Variants in VPS13A observed in about 807,000 individuals in gnomAD.
VPS13A encodes the protein intermembrane lipid transfer protein VPS13A.
A neutral mutation model predicts 390.9 loss-of-function variants in VPS13A; 264 were observed. That is an observed-to-expected ratio of 0.68 (90% CI 0.61 to 0.75). VPS13A has a LOEUF of 0.75. Ranked by LOEUF, VPS13A falls within the 30% of genes least tolerant of loss-of-function variation. The pLI, the probability that VPS13A is intolerant of heterozygous loss-of-function variation, is 0.00. For missense variants in VPS13A, 3,409 were observed against 3,733.9 expected (o/e 0.91, Z 2.27); for synonymous variants, 1,231 against 1,227.1 (o/e 1.00, Z -0.07).
intron 17 of VPS13A, among the ~76,000 whole-genome samples, chr9:77,232,400 C>G (rs1400732006): frequency 6.6e-6 from 1 of 152,122 alleles, no homozygotes; most frequent in Non-Finnish European, 1.5e-5. Context: ...CATGGGATAT[C>G]TTTCCATTTA....
intron 33 of VPS13A, among the ~76,000 whole-genome samples, chr9:77,298,912 C>A (rs917839862): frequency 6.6e-6 from 1 of 152,080 alleles, no homozygotes; most frequent in Non-Finnish European, 1.5e-5. Flanking sequence ...TAAGATGTGC[C>A]GCTGTGTCTC....
chr9:77,259,723 TTAAA>T (rs1405780425), intron 22 of VPS13A, among the ~76,000 whole-genome samples: 7 of 152,294 alleles, frequency 4.6e-5, no homozygotes, highest in African/African-American at 7.2e-5. Flanking sequence ...ATATAGGAAC[TTAAA>T]TAGAGAGCAA....
intron 67 of VPS13A, among the ~76,000 whole-genome samples, chr9:77,375,248 A>G (rs2131598358): frequency 6.6e-6 from 1 of 152,328 alleles, no homozygotes; most frequent in East Asian, 1.9e-4. Context: ...TTTAGAAAAA[A>G]TAATAAAGAC....
intron 52 of VPS13A, among the ~76,000 whole-genome samples, chr9:77,347,311 C>G (rs1173699092): frequency 6.6e-6 from 1 of 152,100 alleles, no homozygotes; most frequent in East Asian, 1.9e-4. Context: ...ATCTACCATC[C>G]ATGAGCATGA....
intron 55 of VPS13A, 47 bp from the exon 56 acceptor site, chr9:77,357,645 A>G (rs763850074): frequency 1.6e-5 from 26 of 1,587,116 alleles, no homozygotes; most frequent in Admixed American, 7.0e-5. Flanking sequence ...AATTCTAGTC[A>G]TTTATAGATA....
intron 40 of VPS13A, 144 bp from the exon 41 acceptor site, chr9:77,318,091 T>A (rs1391109252): frequency 3.9e-6 from 2 of 512,876 alleles, no homozygotes; most frequent in Non-Finnish European, 3.2e-6. Flanking sequence ...ATTTAAAAAA[T>A]TTTATAAACA....
chr9:77,249,115 A>T (rs1825004389), intron 20 of VPS13A, among the ~76,000 whole-genome samples: 1 of 152,198 alleles, frequency 6.6e-6, no homozygotes, highest in Non-Finnish European at 1.5e-5. Flanking sequence ...TTAAATGTAG[A>T]GGAATATCTA....
intron 53 of VPS13A, among the ~76,000 whole-genome samples, chr9:77,351,842 C>G (rs1445606727): frequency 6.6e-6 from 1 of 152,120 alleles, no homozygotes; most frequent in African/African-American, 2.4e-5. Context: ...GCACTCCAGC[C>G]TGGCGACAGA....
chr9:77,371,039 A>T lies in VPS13A; in HGVS notation c.8967A>T (p.Gly2989=), dbSNP rs756880672. ...VTKPIKGAQK[G]GAAGFFKGVG... ...TTTTCTTTCCAGGAGCTCAAAAAGG[A>T]GGAGCAGCTGGTTTCTTTAAAGGTG... Residue 2989 remains glycine (G), a synonymous_variant, in exon 67 of 72, where the codon GGA becomes GGT. Transcript: ENST00000360280. The T allele has an allele frequency of 6.8e-6, 11 of 1,614,140 alleles. No individual in the cohort carries two copies. In the South Asian group the frequency reaches 1.2e-4, roughly 18 times the overall value.
In VPS13A at chr9:77,416,133, C is replaced by T. The variant is rs1420483677; in HGVS notation, c.*127C>T. 5.4e-6 allele frequency: 6 copies of T among 1,103,954 alleles called. No individual in the cohort carries two copies. Among genetic ancestry groups the T allele is most frequent in the Non-Finnish European group, 7.9e-6 (6 of 755,322 alleles). 68.4% of individuals were successfully genotyped at this position (1,103,954 alleles called of 1,614,324 possible). ...ACCCTGTATTCTGGATGCTAAAAAA[C>T]AAAAACAAACAAAAAAACAAAAACA... On this transcript the variant is annotated 3_prime_UTR_variant, in exon 72 of 72. Transcript: ENST00000360280.
intron 71 of VPS13A, among the ~76,000 whole-genome samples, chr9:77,410,932 G>A (rs1036280975): frequency 2.6e-5 from 4 of 152,142 alleles, no homozygotes; most frequent in African/African-American, 9.7e-5. Flanking sequence ...TCTGCACCAA[G>A]CAGACCTAAT....
intron 1 of VPS13A, among the ~76,000 whole-genome samples, chr9:77,181,633 T>G (rs1482806482): frequency 6.6e-6 from 1 of 152,170 alleles, no homozygotes; most frequent in African/African-American, 2.4e-5. Flanking sequence ...TTGCTAGGCT[T>G]CTGAAATAAT....
chr9:77,207,233 A>ATATATATATG (rs1825701860), intron 5 of VPS13A, among the ~76,000 whole-genome samples: 1 of 106,806 alleles, frequency 9.4e-6, no homozygotes, highest in Non-Finnish European at 1.9e-5. Flanking sequence ...ATATATATAT[A>ATATATATATG]TATATATATA....
chr9:77,343,470 A>T (rs1037441524), intron 50 of VPS13A, among the ~76,000 whole-genome samples: 1 of 152,318 alleles, frequency 6.6e-6, no homozygotes, highest in South Asian at 2.1e-4. Flanking sequence ...GTCAGGGCCT[A>T]AGATGGAGTT....
intron 45 of VPS13A, among the ~76,000 whole-genome samples, chr9:77,329,036 C>T (rs1355205111): frequency 2.6e-5 from 4 of 152,122 alleles, no homozygotes; most frequent in Non-Finnish European, 2.9e-5. Flanking sequence ...CATCAGATCT[C>T]GTGAGAACTC....
intron 68 of VPS13A, among the ~76,000 whole-genome samples, chr9:77,394,627 C>G (rs1834050752): frequency 6.6e-6 from 1 of 152,226 alleles, no homozygotes; most frequent in Admixed American, 6.5e-5. Context: ...GCATTTACTT[C>G]TCTCTAGCTA....
intron 54 of VPS13A, among the ~76,000 whole-genome samples, chr9:77,355,362 A>G (rs1831716608): frequency 6.6e-6 from 1 of 152,162 alleles, no homozygotes; most frequent in Admixed American, 6.5e-5. Flanking sequence ...TGACTTCCAG[A>G]ATACCTCACC....
Position 77,323,237 on chromosome 9 carries a change from G to T in VPS13A, c.5991+10G>T. On this transcript the variant is annotated intron_variant, in intron 45 of 71. Transcript: ENST00000360280. The stretch of plus-strand genomic sequence containing the variant: ...TCGCTCCCCAGTGCAGGTATGAAAT[G>T]ATCAATTTTGGGGGATGTCCTGTTA... 2 of 1,612,596 alleles carry T rather than the reference G, an allele frequency of 1.2e-6. No individual in the cohort carries two copies. The highest frequency in any genetic ancestry group is 2.2e-5 in the South Asian group (2 of 91,024).
chr9:77,259,006 A>T lies in VPS13A; in HGVS notation c.2289-1080A>T, dbSNP rs532628495. Among the ~76,000 whole-genome samples the T allele has an allele frequency of 5.9e-5, 9 of 152,296 alleles. No homozygotes were observed. The South Asian group carries it at 1.9e-3, about 32-fold the overall frequency. ...TTGTGATGCAGGGAATATGTACAGCATAGCAGGAATTAAAATAGCTGATTA... is the reference window on the plus strand; with the variant it reads ...TTGTGATGCAGGGAATATGTACAGCTTAGCAGGAATTAAAATAGCTGATTA... On this transcript the variant is annotated intron_variant, in intron 22 of 71. Transcript: ENST00000360280.
Sources: allele counts gnomAD v4.1 joint callset (sites outside exome capture counted in the v4.1 genomes callset), GRCh38; gene constraint gnomAD v4.1.1; transcripts MANE v1.5; gene names NCBI Gene and HGNC (gene_info 2026-07-23, HGNC 2026-07-21).